TMTC1: variants seen among roughly 807,000 people sequenced by gnomAD.
TMTC1 encodes the protein protein O-mannosyl-transferase TMTC1.
In TMTC1, 73 loss-of-function variants were observed where a neutral mutation model predicts 104.8. The ratio of observed to expected loss-of-function variants is 0.70; its 90% CI spans 0.58 to 0.85. TMTC1 has a LOEUF of 0.85. Ranked by LOEUF, TMTC1 falls within the 40% of genes least tolerant of loss-of-function variation. The probability of loss-of-function intolerance (pLI) is 0.00; values close to 1 mark genes in which losing one functional copy is unlikely to be tolerated. For missense variants in TMTC1, 1,035 were observed against 1,096.1 expected, an observed-to-expected ratio of 0.94 and a Z score of 0.79; for synonymous variants, 434 against 428.7, an observed-to-expected ratio of 1.01 and a Z score of -0.15.
chr12:29,570,879 A>ACCCC (rs1491187527), intron 9 of TMTC1, among the ~76,000 whole-genome samples: 21 of 120,386 alleles, frequency 1.7e-4, no homozygotes, highest in Non-Finnish European at 2.6e-4. Flanking sequence ...AAAAACAGAA[A>ACCCC]CACCCCCCCC....
chr12:29,755,596 G>A, intron 4 of TMTC1, 113 bp downstream of exon 4: 1 of 876,754 alleles, frequency 1.1e-6, no homozygotes, highest in Non-Finnish European at 1.7e-6. Flanking sequence ...AGTCTAAGGT[G>A]AGATGACATT....
intron 5 of TMTC1, among the ~76,000 whole-genome samples, chr12:29,725,011 G>GT (rs879602127): frequency 0.14 from 16,092 of 114,064 alleles, 2,811 homozygotes; most frequent in Admixed American, 0.2. Context: ...TATCTGCCAA[G>GT]TTCTTTTTTT....
At chr12:29,647,916 C>T (rs573664225) in intron 5 of TMTC1, among the ~76,000 whole-genome samples, 3 of 152,268 alleles carry the variant, frequency 2.0e-5, no homozygotes, top group Admixed American at 2.0e-4. Context: ...TGTCCTATCC[C>T]CTTCAAACTG....
At chr12:29,663,928 AG>A (rs1190552134) in intron 5 of TMTC1, among the ~76,000 whole-genome samples, 1 of 152,146 alleles carries the variant, frequency 6.6e-6, no homozygotes, top group East Asian at 1.9e-4. Context: ...AAGAAGCTAA[AG>A]GCACCAAATA....
intron 5 of TMTC1, among the ~76,000 whole-genome samples, chr12:29,684,809 GT>G: frequency 6.6e-6 from 1 of 152,248 alleles, no homozygotes; most frequent in African/African-American, 2.4e-5. Context: ...CACACACACA[GT>G]TGGCTGTAAT....
intron 6 of TMTC1, 36 bp from the exon 7 acceptor site, chr12:29,604,335 T>C: frequency 2.5e-6 from 4 of 1,612,298 alleles, no homozygotes; most frequent in Non-Finnish European, 3.4e-6. Flanking sequence ...CATTAACTTC[T>C]GTTGAATTCC....
Position 29,518,560 on chromosome 12 carries a change from T to C in TMTC1, c.1936A>G (p.Ser646Gly). Residue 646 changes from serine to glycine, a missense_variant, in exon 13 of 18, where the codon AGC becomes GGC. Ser to Gly is a moderately conservative substitution (Grantham distance 56). Transcript: ENST00000539277. ...ACCATGGCCACGTGATGACTGGGGCTAAGTTTGATGGCCTGCTGGTAATGG... is the reference window on the plus strand; with the variant it reads ...ACCATGGCCACGTGATGACTGGGGCCAAGTTTGATGGCCTGCTGGTAATGG... ...VAHYQQAIKL[S>G]PSHHVAMVNL... The C allele has an allele frequency of 6.2e-7, 1 of 1,614,166 alleles. No homozygotes were observed. Among genetic ancestry groups the C allele is most frequent in the Admixed American group, 1.7e-5 (1 of 60,030 alleles).
At chr12:29,607,552 A>G (rs1375435326) in intron 6 of TMTC1, among the ~76,000 whole-genome samples, 1 of 152,206 alleles carries the variant, frequency 6.6e-6, no homozygotes, top group East Asian at 1.9e-4. Flanking sequence ...TGTACAAAGC[A>G]GGCAATAAGA....
In TMTC1 at chr12:29,518,473, G is replaced by T. The variant is rs192684476; in HGVS notation, c.2023C>A (p.Arg675Ser). The T allele has an allele frequency of 6.2e-7, 1 of 1,612,756 alleles. No homozygotes were observed. The highest frequency in any genetic ancestry group is 8.5e-7 in the Non-Finnish European group (1 of 1,179,140). The change falls in exon 13 of 18, where the codon CGC (arginine) becomes AGC (serine). Residue 675 changes from arginine to serine, a missense_variant and splice_region_variant. Transcript: ENST00000539277. ...ENSMAEEWYK[R>S]ALQVAHKAEI... ...TAAAGAAAAGAAAGGGAACTTTACC[G>T]CTTGTACCATTCTTCAGCCATGCTG...
At chr12:29,768,134 A>C in intron 1 of TMTC1, 59 bp from the exon 2 acceptor site, 5 of 1,224,794 alleles carry the variant, frequency 4.1e-6, no homozygotes, top group Non-Finnish European at 3.4e-6. Flanking sequence ...ACATAAACAC[A>C]AGGAACACAG....
intron 5 of TMTC1, among the ~76,000 whole-genome samples, chr12:29,707,999 G>A (rs1005761459): frequency 6.6e-6 from 1 of 152,180 alleles, no homozygotes; most frequent in African/African-American, 2.4e-5. Context: ...AACCCCTGCT[G>A]AGAAACGAGG....
rs377476307 is a variant in TMTC1, at chr12:29,770,121, C to T, written c.303-2046G>A. On this transcript the variant is annotated intron_variant, in intron 1 of 17. Transcript: ENST00000539277. ...AAATTTAGATAATAAATTTGGATCA[C>T]AAATAATAGCACCATTTCTTTAAAA... is the stretch of plus-strand genomic sequence containing the variant. 4.6e-5 allele frequency among the ~76,000 whole-genome samples: 7 copies of T among 151,210 alleles called. No homozygotes were observed. The East Asian group carries it at 1.2e-3, about 25-fold the overall frequency.
rs115810342 is a variant in TMTC1, at chr12:29,635,235, G to A, written c.939-1899C>T. Reference sequence around the variant, plus strand: ...GTTTATCTTTCAGGCTTGGGCCTGCGACATTGTCACCTGAGAATGCCATCT... The same window carrying A: ...GTTTATCTTTCAGGCTTGGGCCTGCAACATTGTCACCTGAGAATGCCATCT... On this transcript the variant is annotated intron_variant, in intron 5 of 17. Transcript: ENST00000539277. 7.7e-3 allele frequency among the ~76,000 whole-genome samples: 1,155 copies of A among 150,944 alleles called. 20 individuals carry two copies. Among genetic ancestry groups the A allele is most frequent in the African/African-American group, 0.01 (416 of 41,110 alleles).
rs376007042 is a variant in TMTC1, at chr12:29,524,798, G to A, written c.1786-4078C>T. On this transcript the variant is annotated intron_variant, in intron 11 of 17. Coordinates refer to ENST00000539277, the MANE Select transcript of TMTC1 (RefSeq NM_001193451.2). ...ATTGGTCCTGAATCTTTTCTACCCA[G>A]GCATAAGACTGTCAATGTATAATGC... Among the ~76,000 whole-genome samples the A allele has an allele frequency of 2.0e-4, 30 of 152,252 alleles. No homozygotes were observed. In the East Asian group the frequency reaches 5.0e-3, roughly 25 times the overall value.
intron 8 of TMTC1, among the ~76,000 whole-genome samples, chr12:29,574,891 A>C (rs914775069): frequency 4.7e-4 from 72 of 152,286 alleles, no homozygotes; most frequent in African/African-American, 1.6e-3. Context: ...GCTCTTAATC[A>C]TGAGGGAGGG....
At chr12:29,775,467 G>A (rs965515789) in intron 1 of TMTC1, among the ~76,000 whole-genome samples, 10 of 152,054 alleles carry the variant, frequency 6.6e-5, no homozygotes, top group African/African-American at 1.4e-4. Context: ...CAGAGAAATC[G>A]AGTAACCCCT....
At chr12:29,510,412 T>C (rs374943862) in intron 17 of TMTC1, among the ~76,000 whole-genome samples, 22 of 152,228 alleles carry the variant, frequency 1.4e-4, no homozygotes, top group Admixed American at 4.6e-4. Context: ...CTATTTAACA[T>C]ATGATTAAAA....
At position 29,524,269 on chromosome 12, in the gene TMTC1, C is replaced by G. The variant is rs113973596; in HGVS notation, c.1786-3549G>C. On this transcript the variant is annotated intron_variant, in intron 11 of 17. Transcript: ENST00000539277. ...TAGTCAGCATCTCCATGAACCAAACCAACTAAAATGAAATAGATCAAAGAA... is the reference window on the plus strand; with the variant it reads ...TAGTCAGCATCTCCATGAACCAAACGAACTAAAATGAAATAGATCAAAGAA... Among the ~76,000 whole-genome samples the G allele has an allele frequency of 3.6e-3, 546 of 152,210 alleles. 3 individuals are homozygous for G. The highest frequency in any genetic ancestry group is 0.013 in the African/African-American group (524 of 41,532).
intron 5 of TMTC1, among the ~76,000 whole-genome samples, chr12:29,736,285 C>T (rs1338864672): frequency 3.4e-5 from 5 of 148,310 alleles, no homozygotes; most frequent in Non-Finnish European, 4.5e-5. Context: ...AAAAAAGGAC[C>T]GGAAAAAGTA....
Sources: gnomAD v4.1 joint callset for allele counts (sites outside exome capture counted in the v4.1 genomes callset) on GRCh38, gnomAD v4.1.1 for gene constraint, MANE v1.5 for transcripts, NCBI Gene and HGNC (gene_info 2026-07-23, HGNC 2026-07-21) for gene names.